The following LPAR1 variants were observed in gnomAD, a reference collection of about 807,000 sequenced individuals.
LPAR1 encodes lysophosphatidic acid receptor 1, also known as LPA receptor 1.
LPAR1 carries 5 observed loss-of-function variants against 23.8 expected under a neutral mutation model. The observed-to-expected ratio is 0.21, with a 90% confidence interval of 0.11 to 0.44. The LOEUF is 0.44. Among genes scored for constraint, LPAR1 ranks in the 20% least tolerant of loss-of-function variants. The pLI, the probability that LPAR1 is intolerant of heterozygous loss-of-function variation, is 0.99. For synonymous variants in LPAR1, 160 were observed against 164.7 expected (o/e 0.97, Z 0.22); for missense variants, 311 against 482.8 (o/e 0.64, Z 3.33).
chr9:110,968,519 T>C (rs2137937612), intron 4 of LPAR1, among the ~76,000 whole-genome samples: 1 of 152,264 alleles, frequency 6.6e-6, no homozygotes, highest in Non-Finnish European at 1.5e-5. Flanking sequence ...ATAACTCATA[T>C]TAATTTGTCC....
intron 4 of LPAR1, among the ~76,000 whole-genome samples, chr9:110,952,396 C>T (rs956147735): frequency 7.9e-5 from 12 of 152,210 alleles, no homozygotes; most frequent in African/African-American, 2.6e-4. Context: ...CACCTTCCCC[C>T]TCACCCTCTA....
rs1398218020 is a variant in LPAR1, at chr9:110,979,413, GGTGGA to G, written c.-181-5860_-181-5856del. Reference sequence around the variant, plus strand: ...CAGAATAAAAGAGTAAAGGAAATGGGGTGGAGTGAAGTCAAATGACTAACTCAAAA... The same window carrying G: ...CAGAATAAAAGAGTAAAGGAAATGGGGTGAAGTCAAATGACTAACTCAAAA... On this transcript the variant is annotated intron_variant, in intron 2 of 5. Coordinates refer to ENST00000683809, the MANE Select transcript of LPAR1 (RefSeq NM_001351411.2). Among the ~76,000 whole-genome samples the G allele has an allele frequency of 3.9e-5, 6 of 151,978 alleles. No homozygotes were observed. In the East Asian group the frequency reaches 5.8e-4, roughly 15 times the overall value.
chr9:110,991,126 T>G (rs1160252444), intron 2 of LPAR1, among the ~76,000 whole-genome samples: 1 of 152,156 alleles, frequency 6.6e-6, no homozygotes, highest in African/African-American at 2.4e-5. Flanking sequence ...CCATAAAACT[T>G]CTAGAGGAAA....
intron 2 of LPAR1, among the ~76,000 whole-genome samples, chr9:111,022,362 T>G (rs2097575238): frequency 6.6e-6 from 1 of 152,186 alleles, no homozygotes; most frequent in Non-Finnish European, 1.5e-5. Flanking sequence ...ATGGAAGAAC[T>G]GGCAATTGAA....
At chr9:110,999,465 C>CAA (rs1479387226) in intron 2 of LPAR1, 9 of 455,508 alleles carry the variant, frequency 2.0e-5, no homozygotes, top group African/African-American at 1.8e-4. Flanking sequence ...GCCCTGCTTT[C>CAA]TAAAACAACC....
chr9:110,893,220 T>C (rs1458201498), intron 5 of LPAR1, among the ~76,000 whole-genome samples: 1 of 152,226 alleles, frequency 6.6e-6, no homozygotes, highest in Non-Finnish European at 1.5e-5. Flanking sequence ...TACAATGTCC[T>C]CTTTTACCTA....
chr9:110,888,088 A>G (rs757721744), intron 5 of LPAR1, among the ~76,000 whole-genome samples: 10 of 152,196 alleles, frequency 6.6e-5, no homozygotes, highest in Non-Finnish European at 1.5e-4. Context: ...TTAATGGAGG[A>G]TAAAATTCAA....
chr9:110,941,781 C>T lies in LPAR1; in HGVS notation c.433G>A (p.Glu145Lys), dbSNP rs868460243. ...SVANLLAIAI[E>K]RHITVFRMQL... is the part of the protein sequence containing the mutation. ...ATGCGGAAAACCGTAATGTGCCTCT[C>T]GATTGCAATAGCCAGTAAGTTGGCC... Residue 145 changes from glutamate (E) to lysine (K), a missense_variant, in exon 5 of 6, where the codon GAG (glutamate) becomes AAG (lysine). Glu to Lys is a moderately conservative substitution (Grantham distance 56, BLOSUM62 1). Coordinates refer to ENST00000683809, the MANE Select transcript of LPAR1 (RefSeq NM_001351411.2). The surrounding 1 kb of genome is among the most constrained non-coding windows in gnomAD (Gnocchi z 6.1). The T allele has an allele frequency of 1.2e-6, 2 of 1,614,126 alleles. No individual in the cohort carries two copies. The highest frequency in any genetic ancestry group is 1.3e-5 in the African/African-American group (1 of 75,042).
At chr9:110,878,347 G>A (rs187939633) in intron 5 of LPAR1, among the ~76,000 whole-genome samples, 22 of 152,242 alleles carry the variant, frequency 1.4e-4, no homozygotes, top group Non-Finnish European at 5.9e-5. Flanking sequence ...CACTACAGAA[G>A]ACGAAAATGG....
intron 2 of LPAR1, among the ~76,000 whole-genome samples, chr9:110,991,844 C>T (rs2110546): frequency 0.046 from 7,028 of 152,146 alleles, 236 homozygotes; most frequent in Non-Finnish European, 0.059. Flanking sequence ...CCGCCCACCT[C>T]GGCCTCCCAA....
intron 4 of LPAR1, among the ~76,000 whole-genome samples, chr9:110,968,662 TTTTTG>T (rs1385129756): frequency 6.6e-6 from 1 of 152,186 alleles, no homozygotes; most frequent in Non-Finnish European, 1.5e-5. Flanking sequence ...GCGTTGTAAC[TTTTTG>T]TTTTATCTGT....
chr9:110,947,448 A>C (rs975031930), intron 4 of LPAR1, among the ~76,000 whole-genome samples: 1 of 152,210 alleles, frequency 6.6e-6, no homozygotes, highest in Admixed American at 6.5e-5. Flanking sequence ...GTTCGAGGGA[A>C]GTGATCTCAC....
In LPAR1 at chr9:111,031,537, G is replaced by C. The variant is rs531575234; in HGVS notation, c.-182+4585C>G. Among the ~76,000 whole-genome samples the C allele has an allele frequency of 2.9e-3, 444 of 152,220 alleles. 4 individuals carry two copies. The highest frequency in any genetic ancestry group is 1.8e-3 in the Non-Finnish European group (120 of 68,026). Reference sequence around the variant, plus strand: ...GTAGTGGGAGAATAGCTTGAGCCCAGGAGGTCAAAGCTGCCGTGAGCCAGG... The same window carrying C: ...GTAGTGGGAGAATAGCTTGAGCCCACGAGGTCAAAGCTGCCGTGAGCCAGG... On this transcript the variant is annotated intron_variant, in intron 2 of 5. Coordinates refer to ENST00000683809, the MANE Select transcript of LPAR1 (RefSeq NM_001351411.2).
At chr9:110,882,017 C>T (rs1241828983) in intron 5 of LPAR1, among the ~76,000 whole-genome samples, 2 of 152,208 alleles carry the variant, frequency 1.3e-5, no homozygotes, top group African/African-American at 4.8e-5. Flanking sequence ...TGGGATTACT[C>T]TCTCTGCAGC....
chr9:110,953,675 A>T (rs899462958), intron 4 of LPAR1, among the ~76,000 whole-genome samples: 1 of 152,050 alleles, frequency 6.6e-6, no homozygotes, highest in African/African-American at 2.4e-5. Flanking sequence ...AAAAAAAAAA[A>T]AAAAATTACA....
intron 5 of LPAR1, among the ~76,000 whole-genome samples, chr9:110,895,348 G>C (rs1341495420): frequency 6.6e-6 from 1 of 152,220 alleles, no homozygotes; most frequent in East Asian, 1.9e-4. Flanking sequence ...AAAGGTTCTG[G>C]GTGGCTGGCT....
rs898519799 is a variant in LPAR1 at position 111,031,120 on chromosome 9, T to G, written c.-182+5002A>C. On this transcript the variant is annotated intron_variant, in intron 2 of 5. Coordinates refer to ENST00000683809, the MANE Select transcript of LPAR1 (RefSeq NM_001351411.2). ...TTTAGACACATCTATAGTGTTTGAA[T>G]CATTGCAAAAAAAAATTTTGTAAAT... Among the ~76,000 whole-genome samples the G allele has an allele frequency of 2.7e-5, 4 of 147,284 alleles. No homozygotes were observed. The East Asian group carries it at 8.0e-4, about 30-fold the overall frequency.
chr9:110,883,418 C>T (rs1371744720), intron 5 of LPAR1, among the ~76,000 whole-genome samples: 1 of 152,020 alleles, frequency 6.6e-6, no homozygotes, highest in East Asian at 1.9e-4. Flanking sequence ...ACCACTCAAA[C>T]CACTAAAGAA....
At chr9:110,899,903 CACCCCCAT>C (rs763150142) in intron 5 of LPAR1, among the ~76,000 whole-genome samples, 47 of 152,252 alleles carry the variant, frequency 3.1e-4, no homozygotes, top group Non-Finnish European at 4.9e-4. Context: ...AGTAATACAC[CACCCCCAT>C]GCCCCCATGG....
Sources: allele counts gnomAD v4.1 joint callset (sites outside exome capture counted in the v4.1 genomes callset), GRCh38; gene constraint gnomAD v4.1.1; non-coding constraint Gnocchi (gnomAD v3.1); transcripts MANE v1.5; gene names NCBI Gene and HGNC (gene_info 2026-07-23, HGNC 2026-07-21).